NRG3: variants seen among roughly 807,000 people sequenced by gnomAD.
NRG3 encodes the protein neuregulin 3, also known as pro-neuregulin-3, membrane-bound isoform.
NRG3 carries 31 observed loss-of-function variants against 66.9 expected under a neutral mutation model. The ratio of observed to expected loss-of-function variants is 0.46; its 90% CI spans 0.35 to 0.63. The LOEUF is 0.63. NRG3 is among the 20% of genes least tolerant of loss of function. The pLI, the probability that NRG3 is intolerant of heterozygous loss-of-function variation, is 0.00. For synonymous variants in NRG3, 393 were observed against 359.4 expected (o/e 1.09, Z -1.06); for missense variants, 910 against 878.9 (o/e 1.04, Z -0.45).
intron 2 of NRG3, among the ~76,000 whole-genome samples, chr10:82,372,095 G>C (rs1382089033): frequency 6.6e-6 from 1 of 152,192 alleles, no homozygotes; most frequent in African/African-American, 2.4e-5. Context: ...CTTCAGAGAG[G>C]AGATAACACA....
At chr10:82,060,879 C>T (rs780620201) in intron 1 of NRG3, among the ~76,000 whole-genome samples, 5 of 152,196 alleles carry the variant, frequency 3.3e-5, no homozygotes, top group Non-Finnish European at 5.9e-5. Context: ...CTCTTTCTGA[C>T]TCTGGTTGTC....
At chr10:82,649,094 A>T (rs1389854825) in intron 2 of NRG3, among the ~76,000 whole-genome samples, 1 of 152,186 alleles carries the variant, frequency 6.6e-6, no homozygotes, top group East Asian at 1.9e-4. Context: ...CACCACTCCT[A>T]TTCAACATAG....
chr10:82,890,947 G>C (rs1843099473), intron 4 of NRG3, among the ~76,000 whole-genome samples: 1 of 151,860 alleles, frequency 6.6e-6, no homozygotes, highest in Non-Finnish European at 1.5e-5. Context: ...GTATCTGTTA[G>C]GTTTCTTATT....
chr10:82,932,173 T>C (rs1564641613), intron 4 of NRG3, among the ~76,000 whole-genome samples: 2 of 152,134 alleles, frequency 1.3e-5, no homozygotes, highest in South Asian at 4.1e-4. Flanking sequence ...GCCAGTACTT[T>C]GTTTTCCTCT....
At chr10:82,781,642 A>G (rs544124679) in intron 3 of NRG3, among the ~76,000 whole-genome samples, 2 of 152,092 alleles carry the variant, frequency 1.3e-5, no homozygotes, top group African/African-American at 2.4e-5. Context: ...CAAGAAAAAT[A>G]TATGTAGACC....
intron 2 of NRG3, among the ~76,000 whole-genome samples, chr10:82,491,040 C>T (rs1040385713): frequency 9.9e-5 from 15 of 151,604 alleles, no homozygotes; most frequent in Non-Finnish European, 4.4e-5. Flanking sequence ...TTACAATGGT[C>T]TTCTTCTGAG....
chr10:82,315,759 G>A lies in NRG3; in HGVS notation c.824-42980G>A, dbSNP rs527681437. On this transcript the variant is annotated intron_variant, in intron 1 of 8. Coordinates refer to ENST00000372141, the MANE Select transcript of NRG3 (RefSeq NM_001010848.4). ...CGGCTCGCTGCAACCTCCGTCTCCT[G>A]GGTTCAAGCAATTCTCCTGCCTCAG... is the stretch of plus-strand genomic sequence containing the variant. Among the ~76,000 whole-genome samples the A allele has an allele frequency of 2.0e-5, 3 of 150,550 alleles. No individual in the cohort carries two copies. The South Asian group carries it at 6.3e-4, about 32-fold the overall frequency.
intron 2 of NRG3, among the ~76,000 whole-genome samples, chr10:82,455,005 A>G (rs2091206088): frequency 6.6e-6 from 1 of 152,160 alleles, no homozygotes; most frequent in Non-Finnish European, 1.5e-5. Context: ...TAATTTAGTA[A>G]TTTGCCCAAG....
At position 81,883,477 on chromosome 10, in the gene NRG3, A is replaced by G. The variant is rs565364101; in HGVS notation, c.823+7314A>G. Among the ~76,000 whole-genome samples the G allele has an allele frequency of 2.0e-5, 3 of 152,280 alleles. 1 individual carries two copies. Among genetic ancestry groups the G allele is most frequent in the South Asian group, 4.1e-4 (2 of 4,824 alleles). ...ACTGAATTCAGAATTAAGTTTAATA[A>G]TGGAAGTTTAGCAGCTTCCAGTGCT... On this transcript the variant is annotated intron_variant, in intron 1 of 8. Transcript: ENST00000372141.
intron 2 of NRG3, among the ~76,000 whole-genome samples, chr10:82,492,997 G>A (rs1475180236): frequency 6.6e-6 from 1 of 152,180 alleles, no homozygotes; most frequent in African/African-American, 2.4e-5. Context: ...GGATGGATTA[G>A]TTGGGTATCC....
Position 82,867,714 on chromosome 10 carries a change from G to T in NRG3, c.1054+2277G>T, listed in dbSNP as rs1312270962. ...AAGAGATTGAGAATGCAGAAGGTGT[G>T]TTGCGGAATGTGGATGAGCAATTTC... On this transcript the variant is annotated intron_variant, in intron 4 of 8. Coordinates refer to ENST00000372141, the MANE Select transcript of NRG3 (RefSeq NM_001010848.4). 3.9e-5 allele frequency among the ~76,000 whole-genome samples: 6 copies of T among 152,218 alleles called. No individual in the cohort carries two copies. The East Asian group carries it at 7.7e-4, about 20-fold the overall frequency.
chr10:82,079,853 T>C (rs2065293478), intron 1 of NRG3, among the ~76,000 whole-genome samples: 1 of 152,180 alleles, frequency 6.6e-6, no homozygotes, highest in Admixed American at 6.5e-5. Context: ...AGGTATCCTA[T>C]ATCTGGATTC....
chr10:82,962,865 C>A (rs866500688), intron 6 of NRG3, among the ~76,000 whole-genome samples: 1 of 151,938 alleles, frequency 6.6e-6, no homozygotes, highest in African/African-American at 2.4e-5. Flanking sequence ...AAAAACAAAA[C>A]CAAAAAAGAA....
At chr10:81,877,377 C>CA (rs1841766042) in intron 1 of NRG3, among the ~76,000 whole-genome samples, 1 of 151,900 alleles carries the variant, frequency 6.6e-6, no homozygotes, top group East Asian at 1.9e-4. Flanking sequence ...GGCTATTTTG[C>CA]AAAAAACTGT....
intron 2 of NRG3, among the ~76,000 whole-genome samples, chr10:82,537,082 C>T (rs1244854815): frequency 2.6e-5 from 4 of 151,928 alleles, no homozygotes; most frequent in South Asian, 2.1e-4. Context: ...TCTGGTTACT[C>T]ACTGTAAAAT....
intron 1 of NRG3, among the ~76,000 whole-genome samples, chr10:82,295,219 A>G (rs1288521462): frequency 6.6e-6 from 1 of 152,228 alleles, no homozygotes; most frequent in African/African-American, 2.4e-5. Context: ...GACTGTCAAC[A>G]GTTGAATTCC....
chr10:82,648,242 C>G (rs2051114640), intron 2 of NRG3, among the ~76,000 whole-genome samples: 1 of 152,130 alleles, frequency 6.6e-6, no homozygotes, highest in Non-Finnish European at 1.5e-5. Context: ...GTTTTCCCAG[C>G]ACCATTTATT....
At chr10:81,977,191 C>T (rs1564706078) in intron 1 of NRG3, among the ~76,000 whole-genome samples, 1 of 152,028 alleles carries the variant, frequency 6.6e-6, no homozygotes, top group Non-Finnish European at 1.5e-5. Context: ...TGAGGTATTG[C>T]CTCCCTCATA....
chr10:82,898,197 G>A (rs1402896621), intron 4 of NRG3, among the ~76,000 whole-genome samples: 1 of 152,164 alleles, frequency 6.6e-6, no homozygotes, highest in Non-Finnish European at 1.5e-5. Flanking sequence ...CCACACTGGG[G>A]CTGAGCCCTG....
Sources: gnomAD v4.1 joint callset for allele counts (sites outside exome capture counted in the v4.1 genomes callset) on GRCh38, gnomAD v4.1.1 for gene constraint, MANE v1.5 for transcripts, NCBI Gene and HGNC (gene_info 2026-07-23, HGNC 2026-07-21) for gene names.